The following NR4A1 variants were observed in gnomAD, a reference collection of about 807,000 sequenced individuals.
NR4A1 encodes nuclear receptor subfamily 4 group A member 1.
In NR4A1, 24 loss-of-function variants were observed where a neutral mutation model predicts 47.5. The ratio of observed to expected loss-of-function variants is 0.50; its 90% confidence interval spans 0.37 to 0.71. The LOEUF is 0.71. Ranked by LOEUF, NR4A1 falls within the 30% of genes least tolerant of loss-of-function variation. The pLI is 0.00. For synonymous variants in NR4A1, 353 were observed against 345.7 expected (o/e 1.02, Z -0.24); for missense variants, 669 against 788.6 (o/e 0.85, Z 1.82).
chr12:52,043,608 TG>T (rs1234860712), intron 2 of NR4A1: 3 of 1,038,102 alleles, frequency 2.9e-6, no homozygotes, highest in Non-Finnish European at 3.7e-6. Context: ...CTTGCTGACC[TG>T]GGCCAAAGTC....
chr12:52,043,565 G>A (rs1459365646), intron 2 of NR4A1: 1 of 559,528 alleles, frequency 1.8e-6, no homozygotes, highest in East Asian at 7.3e-5. Flanking sequence ...TCACGCTCAT[G>A]CTGGGGCTCC....
intron 1 of NR4A1, among the ~76,000 whole-genome samples, chr12:52,039,093 C>T (rs1938346011): frequency 6.6e-6 from 1 of 152,222 alleles, no homozygotes; most frequent in Non-Finnish European, 1.5e-5. Context: ...CTTAACATTT[C>T]TTTCTGGGCC....
rs768741484 is a variant in NR4A1, at chr12:52,054,590, A to G, written c.262A>G (p.Thr88Ala). The change falls in exon 2 of 7, where the codon ACA (threonine) becomes GCA (alanine). Residue 88 changes from threonine (T) to alanine (A), a missense_variant. Coordinates refer to ENST00000394825, the MANE Select transcript of NR4A1 (RefSeq NM_173157.3). Reference protein sequence around the residue: ...CSSASSSASSTSSSSATSPAS... With the variant: ...CSSASSSASSASSSSATSPAS... The stretch of plus-strand genomic sequence containing the variant: ...CTCAGCCTCCTCCTCGGCCTCCTCC[A>G]CATCCTCGTCCTCAGCCACCTCCCC... 1 of 1,613,990 alleles carries G rather than the reference A, an allele frequency of 6.2e-7. No homozygotes were observed. Among genetic ancestry groups the G allele is most frequent in the East Asian group, 2.2e-5 (1 of 44,866 alleles).
upstream of NR4A1, among the ~76,000 whole-genome samples, chr12:52,049,683 G>T (rs960120097): frequency 3.9e-5 from 6 of 152,202 alleles, no homozygotes; most frequent in African/African-American, 9.7e-5. Context: ...CAAAAACGGG[G>T]AGAGGAAAGG....
At position 52,059,135 on chromosome 12, in the gene NR4A1, C is replaced by G. The variant is rs550028551; in HGVS notation, c.*191C>G. The stretch of plus-strand genomic sequence containing the variant: ...GGGGGATGCCTTCATGGGGGTGACC[C>G]CACGATTTGTCTTATCCCCCCCAGC... On this transcript the variant is annotated 3_prime_UTR_variant, in exon 7 of 7. Transcript: ENST00000394825. 440 of 701,590 alleles carry G rather than the reference C, an allele frequency of 6.3e-4. 3 individuals carry two copies. The Middle Eastern group carries it at 0.01, about 16-fold the overall frequency. 43.5% of individuals were successfully genotyped at this position (701,590 alleles called of 1,614,324 possible). A position where few individuals can be genotyped will look rare whatever the true frequency, so the allele number is the denominator to read the frequency against.
Position 52,059,275 on chromosome 12 carries a change from C to T in NR4A1, c.*331C>T, listed in dbSNP as rs1939440337. ...AGGAAGAAAGAGCTTGAGGTGGGAG[C>T]GGGGCTGGGAGGAAGGGATGGGCCC... On this transcript the variant is annotated 3_prime_UTR_variant, in exon 7 of 7. Transcript: ENST00000394825. 4 of 245,584 alleles carry T rather than the reference C, an allele frequency of 1.6e-5. No homozygotes were observed. Among genetic ancestry groups the T allele is most frequent in the South Asian group, 1.1e-4 (1 of 9,218 alleles). 15.2% of individuals were successfully genotyped at this position (245,584 alleles called of 1,614,324 possible).
At chr12:52,025,809 T>C (rs746831602) in intron 1 of NR4A1, among the ~76,000 whole-genome samples, 3 of 152,084 alleles carry the variant, frequency 2.0e-5, no homozygotes, top group Non-Finnish European at 2.9e-5. Flanking sequence ...TTATAAGAGG[T>C]AGCAGTACCT....
chr12:52,029,589 A>G (rs1938074020), intron 1 of NR4A1, among the ~76,000 whole-genome samples: 1 of 152,164 alleles, frequency 6.6e-6, no homozygotes, highest in Non-Finnish European at 1.5e-5. Flanking sequence ...TTGGGAGGCA[A>G]AAGTGGGAGG....
chr12:52,057,824 T>C (rs1254338580), intron 6 of NR4A1, among the ~76,000 whole-genome samples: 2 of 152,184 alleles, frequency 1.3e-5, no homozygotes, highest in Non-Finnish European at 2.9e-5. Context: ...AACCTTCCTG[T>C]CAATTATGCT....
intron 2 of NR4A1, among the ~76,000 whole-genome samples, chr12:52,043,179 G>A (rs534601302): frequency 9.3e-4 from 141 of 152,306 alleles, no homozygotes; most frequent in African/African-American, 3.2e-3. Context: ...GCTGAAGACA[G>A]GGAGAGGAAT....
chr12:52,058,310 T>G (rs952766993), intron 6 of NR4A1: 8 of 212,724 alleles, frequency 3.8e-5, no homozygotes, highest in African/African-American at 1.8e-4. Flanking sequence ...CCCAACGATA[T>G]AGAACACAAT....
chr12:52,049,928 A>G (rs968016066), upstream of NR4A1, among the ~76,000 whole-genome samples: 1 of 152,118 alleles, frequency 6.6e-6, no homozygotes, highest in African/African-American at 2.4e-5. Context: ...TCGGGCCGGC[A>G]GAGCCTCCGG....
At chr12:52,029,913 C>CA (rs1938083941) in intron 1 of NR4A1, among the ~76,000 whole-genome samples, 1 of 152,174 alleles carries the variant, frequency 6.6e-6, no homozygotes, top group Non-Finnish European at 1.5e-5. Context: ...GCACAGCACA[C>CA]AAAATCCAGC....
rs574171380 is a variant in NR4A1, at chr12:52,031,791, T to C, written c.-84+8852T>C. On this transcript the variant is annotated intron_variant, in intron 1 of 7. Coordinates refer to the NR4A1 transcript ENST00000360284. ...TTGTGATGGTTAATTTTTTTTTTTT[T>C]TTTTTTGAGACGGAGTCTCGCTCTG... 2.7e-5 allele frequency among the ~76,000 whole-genome samples: 4 copies of C among 150,208 alleles called. No individual in the cohort carries two copies. In the East Asian group the frequency reaches 7.8e-4, roughly 29 times the overall value.
At chr12:52,046,984 G>A (rs544798068), upstream of NR4A1, among the ~76,000 whole-genome samples, 17 of 152,268 alleles carry the variant, frequency 1.1e-4, no homozygotes, top group East Asian at 3.3e-3. Flanking sequence ...GGTCGGTGGG[G>A]AACTGCGGTG....
intron 2 of NR4A1, among the ~76,000 whole-genome samples, chr12:52,046,246 G>T (rs1592292401): frequency 6.6e-6 from 1 of 152,208 alleles, no homozygotes; most frequent in East Asian, 1.9e-4. Context: ...TCTGGGCTGG[G>T]GAATGGTGGT....
chr12:52,049,679 C>T (rs919331965), upstream of NR4A1, among the ~76,000 whole-genome samples: 6 of 152,042 alleles, frequency 3.9e-5, no homozygotes, highest in African/African-American at 7.3e-5. Flanking sequence ...AAAACAAAAA[C>T]GGGGAGAGGA....
At chr12:52,039,171 G>A (rs539952833) in intron 1 of NR4A1, among the ~76,000 whole-genome samples, 92 of 152,332 alleles carry the variant, frequency 6.0e-4, no homozygotes, top group African/African-American at 2.1e-3. Context: ...AGGCTGAAAT[G>A]AGAAAATGCA....
upstream of NR4A1, among the ~76,000 whole-genome samples, chr12:52,048,405 T>A (rs191364071): frequency 9.9e-5 from 15 of 151,986 alleles, no homozygotes; most frequent in East Asian, 5.8e-4. Context: ...CCATCCTGGC[T>A]AACACAGTGA....
Sources: allele counts gnomAD v4.1 joint callset (sites outside exome capture counted in the v4.1 genomes callset), GRCh38; gene constraint gnomAD v4.1.1; transcripts MANE v1.5; gene names NCBI Gene and HGNC (gene_info 2026-07-23, HGNC 2026-07-21).